The following LINGO2 variants were observed in gnomAD, a reference collection of about 807,000 sequenced individuals.
LINGO2 encodes leucine-rich repeat and immunoglobulin-like domain-containing nogo receptor-interacting protein 2.
LINGO2 carries 14 observed loss-of-function variants against 30.6 expected under a neutral mutation model. The observed-to-expected ratio is 0.46, with a 90% confidence interval of 0.30 to 0.72. LINGO2 has a LOEUF of 0.72. Among genes scored for constraint, LINGO2 ranks in the 30% least tolerant of loss-of-function variants. The probability of loss-of-function intolerance (pLI) is 0.07; values close to 1 mark genes in which losing one functional copy is unlikely to be tolerated. For synonymous variants in LINGO2, 317 were observed against 288.5 expected, an observed-to-expected ratio of 1.10 and a Z score of -1.00; for missense variants, 729 against 751.7, an observed-to-expected ratio of 0.97 and a Z score of 0.35.
chr9:29,179,260 C>A, the LINGO2 span, among the ~76,000 whole-genome samples: 1 of 146,670 alleles, frequency 6.8e-6, no homozygotes, highest in East Asian at 2.0e-4. Flanking sequence ...AACAGGCTGA[C>A]AAGGTGGACT....
chr9:28,003,353 A>AAAAAT (rs2119164307), intron 5 of LINGO2, among the ~76,000 whole-genome samples: 1 of 124,060 alleles, frequency 8.1e-6, no homozygotes, highest in South Asian at 2.7e-4. Context: ...ATAGATAGAT[A>AAAAAT]GATAGATAGA....
chr9:28,145,268 T>C (rs1324186068), intron 4 of LINGO2, among the ~76,000 whole-genome samples: 1 of 152,042 alleles, frequency 6.6e-6, no homozygotes, highest in East Asian at 1.9e-4. Context: ...ATAGTGGGGG[T>C]TGAATACAGT....
At chr9:28,926,111 G>C in the LINGO2 span, among the ~76,000 whole-genome samples, 73 of 152,264 alleles carry the variant, frequency 4.8e-4, no homozygotes, top group African/African-American at 1.6e-3. Context: ...TCAGGAGTTT[G>C]AGACCAGCCT....
At chr9:28,904,396 T>C in the LINGO2 span, among the ~76,000 whole-genome samples, 2 of 151,966 alleles carry the variant, frequency 1.3e-5, no homozygotes, top group East Asian at 1.9e-4. Context: ...GGCATTTAAA[T>C]TGGGAAGGAA....
At chr9:28,619,109 AC>A (rs1826276279) in intron 1 of LINGO2, among the ~76,000 whole-genome samples, 1 of 152,114 alleles carries the variant, frequency 6.6e-6, no homozygotes, top group Admixed American at 6.6e-5. Context: ...GATTCTAAGG[AC>A]TTTTTTCCAG....
chr9:28,417,746 A>G lies in LINGO2; in HGVS notation c.-278-44878T>C, dbSNP rs148297998. Among the ~76,000 whole-genome samples, 615 of 152,232 alleles carry G rather than the reference A, an allele frequency of 4.0e-3. 10 individuals are homozygous for G. Among genetic ancestry groups the G allele is most frequent in the Non-Finnish European group, 1.9e-3 (130 of 68,012 alleles). The stretch of plus-strand genomic sequence containing the variant: ...ATCTGTGTACCATGTATAACTTTTT[A>G]TTGTTACTCATGTCATACTATTAGG... On this transcript the variant is annotated intron_variant, in intron 2 of 5. Coordinates refer to ENST00000379992, the Ensembl canonical transcript of LINGO2.
At chr9:29,000,674 T>C in the LINGO2 span, among the ~76,000 whole-genome samples, 5 of 152,092 alleles carry the variant, frequency 3.3e-5, no homozygotes, top group South Asian at 6.2e-4. Flanking sequence ...CTTTTATTCC[T>C]CTGAAGTACA....
intron 4 of LINGO2, among the ~76,000 whole-genome samples, chr9:28,193,041 A>T (rs575282225): frequency 6.6e-6 from 1 of 152,298 alleles, no homozygotes; most frequent in South Asian, 2.1e-4. Context: ...TTTGATGGTT[A>T]CTGACATAGT....
intron 1 of LINGO2, among the ~76,000 whole-genome samples, chr9:28,522,072 G>A (rs1219993806): frequency 2.0e-5 from 3 of 152,172 alleles, no homozygotes; most frequent in African/African-American, 7.2e-5. Context: ...CCAGTTCATG[G>A]TAATTTGTTA....
the LINGO2 span, among the ~76,000 whole-genome samples, chr9:29,004,405 C>T: frequency 6.6e-6 from 1 of 151,804 alleles, no homozygotes. Context: ...TCAAGAAATT[C>T]TGGTTAATCA....
chr9:28,405,709 GA>G (rs1822477672), intron 2 of LINGO2, among the ~76,000 whole-genome samples: 1 of 152,130 alleles, frequency 6.6e-6, no homozygotes, highest in Non-Finnish European at 1.5e-5. Flanking sequence ...GTTGTTTTTA[GA>G]ATAAGACAAA....
At chr9:27,969,178 T>A (rs1820240232) in intron 5 of LINGO2, among the ~76,000 whole-genome samples, 1 of 151,930 alleles carries the variant, frequency 6.6e-6, no homozygotes, top group African/African-American at 2.4e-5. Flanking sequence ...ACAGCTTACA[T>A]AAAGAAATGA....
chr9:28,516,884 C>T (rs10968631), intron 1 of LINGO2, among the ~76,000 whole-genome samples: 109,327 of 152,062 alleles, frequency 0.72, 41,835 homozygotes, highest in Middle Eastern at 0.86. Flanking sequence ...AATGGAAGGT[C>T]TGACCCTACA....
At chr9:28,885,317 A>G in the LINGO2 span, among the ~76,000 whole-genome samples, 1 of 147,948 alleles carries the variant, frequency 6.8e-6, no homozygotes, top group African/African-American at 2.5e-5. Context: ...AGCAAATGGG[A>G]CTAGGCTGGA....
At chr9:28,164,422 A>G (rs1828370574) in intron 4 of LINGO2, among the ~76,000 whole-genome samples, 1 of 152,194 alleles carries the variant, frequency 6.6e-6, no homozygotes, top group Admixed American at 6.5e-5. Flanking sequence ...TTTTGTAAAG[A>G]TGTTATGAGA....
the LINGO2 span, chr9:28,888,964 T>G: frequency 1.9e-6 from 1 of 527,834 alleles, no homozygotes; most frequent in Non-Finnish European, 3.9e-6. Context: ...ACAAACTTAT[T>G]CTAAGCAGGA....
chr9:28,918,302 A>G, the LINGO2 span, among the ~76,000 whole-genome samples: 3 of 151,692 alleles, frequency 2.0e-5, no homozygotes. Context: ...GGGGAAAACC[A>G]CCCCCCCAGG....
the LINGO2 span, among the ~76,000 whole-genome samples, chr9:28,924,204 G>C: frequency 6.6e-6 from 1 of 151,800 alleles, no homozygotes; most frequent in Non-Finnish European, 1.5e-5. Flanking sequence ...CAAGTGATTT[G>C]CTCTGGGTAA....
intron 3 of LINGO2, among the ~76,000 whole-genome samples, chr9:28,348,801 T>A (rs1238486244): frequency 6.6e-6 from 1 of 152,034 alleles, no homozygotes; most frequent in East Asian, 1.9e-4. Context: ...GCTGGAGATC[T>A]GAGAACGGGC....
Sources: gnomAD v4.1 joint callset for allele counts (sites outside exome capture counted in the v4.1 genomes callset) on GRCh38, gnomAD v4.1.1 for gene constraint, MANE v1.5 for transcripts, NCBI Gene and HGNC (gene_info 2026-07-23, HGNC 2026-07-21) for gene names.